PHACTR3: variants seen among roughly 807,000 people sequenced by gnomAD.
PHACTR3 encodes phosphatase and actin regulator 3, also known as protein phosphatase 1, regulatory subunit 123.
Under a neutral mutation model 66.8 loss-of-function variants are expected in PHACTR3, and 16 were observed. The ratio of observed to expected loss-of-function variants is 0.24; its 90% CI spans 0.16 to 0.36. PHACTR3 has a LOEUF of 0.36. Among genes scored for constraint, PHACTR3 ranks in the 10% least tolerant of loss-of-function variants. The pLI is 1.00. For synonymous variants in PHACTR3, 323 were observed against 292.1 expected, an observed-to-expected ratio of 1.11 and a Z score of -1.08; for missense variants, 647 against 719.9, an observed-to-expected ratio of 0.90 and a Z score of 1.16.
chr20:59,618,393 C>T (rs992764309), intron 1 of PHACTR3, among the ~76,000 whole-genome samples: 8 of 152,130 alleles, frequency 5.3e-5, no homozygotes, highest in African/African-American at 1.4e-4. Flanking sequence ...ATTTCCAAGC[C>T]GTCACTCTGG....
chr20:59,817,215 T>C (rs2041911370), intron 8 of PHACTR3, among the ~76,000 whole-genome samples: 1 of 152,256 alleles, frequency 6.6e-6, no homozygotes, highest in Non-Finnish European at 1.5e-5. Context: ...TATTTGTGAA[T>C]AGTGTGAGCC....
rs142636572 is a variant in PHACTR3 at position 59,813,243 on chromosome 20, G to A, written c.1328+7049G>A. 1.4e-4 allele frequency among the ~76,000 whole-genome samples: 21 copies of A among 152,326 alleles called. No homozygotes were observed. The East Asian group carries it at 3.3e-3, about 24-fold the overall frequency. On this transcript the variant is annotated intron_variant, in intron 8 of 12. Coordinates refer to ENST00000371015, the MANE Select transcript of PHACTR3 (RefSeq NM_080672.5). ...CCCTCACTGAGGAGCGAACACACCT[G>A]ACATGGGTCACTCCCGGAGCAGGGC...
At chr20:59,668,438 A>T (rs1268797103) in intron 1 of PHACTR3, among the ~76,000 whole-genome samples, 2 of 152,196 alleles carry the variant, frequency 1.3e-5, no homozygotes, top group African/African-American at 4.8e-5. Context: ...CTCCTGCAAC[A>T]GTGAGCTGCC....
chr20:59,759,633 G>T (rs1459882194), intron 4 of PHACTR3, among the ~76,000 whole-genome samples: 1 of 152,202 alleles, frequency 6.6e-6, no homozygotes, highest in African/African-American at 2.4e-5. Flanking sequence ...AGGCCACTGT[G>T]AGGCAACGTG....
chr20:59,757,609 C>T (rs915392222), intron 4 of PHACTR3, among the ~76,000 whole-genome samples: 1 of 152,046 alleles, frequency 6.6e-6, no homozygotes, highest in African/African-American at 2.4e-5. Flanking sequence ...ACAAAAGCAG[C>T]GTCGGTGGTG....
intron 1 of PHACTR3, among the ~76,000 whole-genome samples, chr20:59,593,514 A>T (rs1263790302): frequency 6.6e-6 from 1 of 151,894 alleles, no homozygotes; most frequent in Non-Finnish European, 1.5e-5. Context: ...GAAGTCCAGT[A>T]TATCAATTAT....
intron 1 of PHACTR3, among the ~76,000 whole-genome samples, chr20:59,584,917 C>A (rs1488331335): frequency 6.6e-6 from 1 of 152,158 alleles, no homozygotes; most frequent in East Asian, 1.9e-4. Flanking sequence ...CAGCCCCCAC[C>A]CCCTCAGCAG....
intron 8 of PHACTR3, among the ~76,000 whole-genome samples, chr20:59,808,882 C>T (rs1157054371): frequency 6.6e-6 from 1 of 152,156 alleles, no homozygotes; most frequent in African/African-American, 2.4e-5. Flanking sequence ...GGGGCCGTCC[C>T]GTGTGTGTAG....
chr20:59,779,387 G>A (rs1020847410), intron 7 of PHACTR3, among the ~76,000 whole-genome samples: 1 of 152,178 alleles, frequency 6.6e-6, no homozygotes, highest in Non-Finnish European at 1.5e-5. Flanking sequence ...AGTAGGAAAG[G>A]CCTGTAAGAG....
At chr20:59,700,187 G>T (rs905270008) in intron 1 of PHACTR3, among the ~76,000 whole-genome samples, 2 of 152,172 alleles carry the variant, frequency 1.3e-5, no homozygotes, top group Admixed American at 1.3e-4. Context: ...ATTTCTTGGA[G>T]ATCATTTCAT....
chr20:59,687,152 C>T (rs1248095579), intron 1 of PHACTR3, among the ~76,000 whole-genome samples: 8 of 127,210 alleles, frequency 6.3e-5, no homozygotes, highest in South Asian at 2.6e-4. Context: ...GTGATGATGA[C>T]GATGGTGATT....
At chr20:59,802,419 C>A (rs1425659560) in intron 7 of PHACTR3, among the ~76,000 whole-genome samples, 2 of 152,174 alleles carry the variant, frequency 1.3e-5, no homozygotes, top group African/African-American at 2.4e-5. Flanking sequence ...CAGGCTAGGG[C>A]AGAGACCTGC....
intron 1 of PHACTR3, among the ~76,000 whole-genome samples, chr20:59,578,216 G>A (rs1333167566): frequency 6.6e-5 from 10 of 152,218 alleles, no homozygotes; most frequent in Non-Finnish European, 1.3e-4. Flanking sequence ...AAATGGCCAG[G>A]GCCCCAGCTG....
At chr20:59,838,434 C>T (rs2059001873) in intron 9 of PHACTR3, among the ~76,000 whole-genome samples, 1 of 151,520 alleles carries the variant, frequency 6.6e-6, no homozygotes, top group African/African-American at 2.4e-5. Flanking sequence ...ACTCAAAACT[C>T]CGCCCATATA....
intron 1 of PHACTR3, among the ~76,000 whole-genome samples, chr20:59,701,141 C>T (rs6015553): frequency 0.55 from 82,997 of 151,896 alleles, 24,006 homozygotes; most frequent in African/African-American, 0.74. Context: ...GAAACAGATC[C>T]GACCCACATA....
intron 4 of PHACTR3, 87 bp from the exon 5 acceptor site, chr20:59,767,099 C>A: frequency 7.3e-7 from 1 of 1,366,108 alleles, no homozygotes; most frequent in African/African-American, 1.4e-5. Context: ...ACGATCCCAT[C>A]CCACCAAACC....
chr20:59,617,665 C>T (rs976229758), intron 1 of PHACTR3, among the ~76,000 whole-genome samples: 7 of 152,056 alleles, frequency 4.6e-5, no homozygotes, highest in Non-Finnish European at 8.8e-5. Flanking sequence ...TTTCGTGGGG[C>T]TGACATTCTG....
intron 2 of PHACTR3, among the ~76,000 whole-genome samples, chr20:59,743,971 G>A (rs777765586): frequency 3.3e-5 from 5 of 152,184 alleles, no homozygotes; most frequent in East Asian, 1.9e-4. Flanking sequence ...GCGGGATTGC[G>A]ATGGCTGGTC....
At chr20:59,776,320 A>G (rs2040534122) in intron 7 of PHACTR3, among the ~76,000 whole-genome samples, 1 of 152,210 alleles carries the variant, frequency 6.6e-6, no homozygotes, top group Non-Finnish European at 1.5e-5. Flanking sequence ...GAGGCCATGT[A>G]ACTGGCCATG....
Sources: gnomAD v4.1 joint callset for allele counts (sites outside exome capture counted in the v4.1 genomes callset) on GRCh38, gnomAD v4.1.1 for gene constraint, MANE v1.5 for transcripts, NCBI Gene and HGNC (gene_info 2026-07-23, HGNC 2026-07-21) for gene names.